The following METTL15 variants were observed in gnomAD, a reference collection of about 807,000 sequenced individuals.
METTL15 encodes 12S rRNA N(4)-cytidine methyltransferase METTL15.
METTL15 carries 34 observed loss-of-function variants against 38.3 expected under a neutral mutation model. That is an observed-to-expected ratio of 0.89 (90% CI 0.68 to 1.18). The LOEUF (loss-of-function observed/expected upper bound fraction) is 1.18, where lower values mean the gene tolerates loss of function less well. Ranked by LOEUF, METTL15 falls within the 50% of genes most tolerant of loss-of-function variation. The pLI, the probability that METTL15 is intolerant of heterozygous loss-of-function variation, is 0.00. For missense variants in METTL15, 438 were observed against 498.4 expected (o/e 0.88, Z 1.15); for synonymous variants, 162 against 170.9 (o/e 0.95, Z 0.41).
intron 6 of METTL15, among the ~76,000 whole-genome samples, chr11:28,467,519 G>A (rs1851266929): frequency 6.6e-6 from 1 of 152,068 alleles, no homozygotes; most frequent in African/African-American, 2.4e-5. Context: ...ATTCCATTAG[G>A]TATTTGCCCC....
chr11:28,452,917 G>A (rs895827367), intron 6 of METTL15, among the ~76,000 whole-genome samples: 2 of 152,150 alleles, frequency 1.3e-5, no homozygotes, highest in Non-Finnish European at 2.9e-5. Context: ...AAACACAAAT[G>A]TTATACTTGT....
chr11:28,128,638 A>G (rs1168095076), intron 3 of METTL15, among the ~76,000 whole-genome samples: 1 of 152,088 alleles, frequency 6.6e-6, no homozygotes, highest in Admixed American at 6.6e-5. Context: ...GTTTTGCGTA[A>G]AAGTTGAAAA....
chr11:28,271,696 A>G (rs933798568), intron 4 of METTL15, among the ~76,000 whole-genome samples: 2 of 152,036 alleles, frequency 1.3e-5, no homozygotes, highest in African/African-American at 2.4e-5. Flanking sequence ...AAGAATTACT[A>G]TACTAAAAGC....
chr11:28,386,125 C>T (rs199791448), intron 5 of METTL15, among the ~76,000 whole-genome samples: 31 of 151,654 alleles, frequency 2.0e-4, no homozygotes, highest in South Asian at 1.0e-3. Context: ...ACACAGAAAA[C>T]GAGAAAGAAA....
chr11:28,154,618 A>T (rs1196283885), intron 3 of METTL15, among the ~76,000 whole-genome samples: 1 of 152,136 alleles, frequency 6.6e-6, no homozygotes, highest in Non-Finnish European at 1.5e-5. Context: ...GTGACTTGGT[A>T]CTGTGTCACT....
At chr11:28,261,972 G>T (rs1855222588) in intron 4 of METTL15, among the ~76,000 whole-genome samples, 1 of 152,126 alleles carries the variant, frequency 6.6e-6, no homozygotes, top group Non-Finnish European at 1.5e-5. Flanking sequence ...AGCTTATTCA[G>T]ATCACAGAGA....
chr11:28,158,294 C>T (rs1235631986), intron 3 of METTL15, among the ~76,000 whole-genome samples: 2 of 152,144 alleles, frequency 1.3e-5, no homozygotes, highest in Non-Finnish European at 2.9e-5. Context: ...TCTGTGGACA[C>T]CTTCAGCCTC....
At chr11:28,321,736 T>C (rs1188796107) in intron 6 of METTL15, among the ~76,000 whole-genome samples, 3 of 152,000 alleles carry the variant, frequency 2.0e-5, no homozygotes, top group African/African-American at 7.2e-5. Flanking sequence ...AAAAGAAAGA[T>C]GATTGTGGGC....
intron 3 of METTL15, chr11:28,122,043 T>C: frequency 1.6e-6 from 1 of 625,456 alleles, no homozygotes. Context: ...TTGTATATGA[T>C]ATTTTTAGTT....
chr11:28,420,580 C>A (rs894801027), intron 5 of METTL15, among the ~76,000 whole-genome samples: 3 of 152,022 alleles, frequency 2.0e-5, no homozygotes, highest in Non-Finnish European at 4.4e-5. Flanking sequence ...GGAAACTGTA[C>A]AAATACATGG....
At chr11:28,394,710 A>G (rs1462463846) in intron 5 of METTL15, among the ~76,000 whole-genome samples, 1 of 152,092 alleles carries the variant, frequency 6.6e-6, no homozygotes, top group Non-Finnish European at 1.5e-5. Flanking sequence ...CTTTTTAAAG[A>G]CATTATTGCT....
At chr11:28,302,752 A>T (rs188874554) in intron 6 of METTL15, among the ~76,000 whole-genome samples, 2 of 152,196 alleles carry the variant, frequency 1.3e-5, no homozygotes, top group Non-Finnish European at 2.9e-5. Context: ...TATGCAGGTA[A>T]GTTAGGAAAA....
At chr11:28,500,400 T>C (rs1050949861) in intron 6 of METTL15, among the ~76,000 whole-genome samples, 11 of 152,222 alleles carry the variant, frequency 7.2e-5, no homozygotes, top group African/African-American at 2.4e-4. Flanking sequence ...AGGTGAACCT[T>C]GATTAAGAAC....
intron 3 of METTL15, among the ~76,000 whole-genome samples, chr11:28,151,343 AC>A (rs1162221690): frequency 6.6e-6 from 1 of 151,794 alleles, no homozygotes; most frequent in Non-Finnish European, 1.5e-5. Context: ...TTGGCCACTT[AC>A]TTTCAATATA....
At chr11:28,382,996 A>G (rs1850405020) in intron 5 of METTL15, among the ~76,000 whole-genome samples, 1 of 150,882 alleles carries the variant, frequency 6.6e-6, no homozygotes, top group African/African-American at 2.4e-5. Flanking sequence ...GTTCAGGGGT[A>G]CATGTGCAAG....
At chr11:28,456,433 G>T (rs572678828) in intron 6 of METTL15, among the ~76,000 whole-genome samples, 7 of 151,734 alleles carry the variant, frequency 4.6e-5, no homozygotes, top group African/African-American at 1.4e-4. Flanking sequence ...TTTTTTTTTT[G>T]TTTGTTTGTT....
intron 6 of METTL15, among the ~76,000 whole-genome samples, chr11:28,457,968 G>A (rs138874730): frequency 6.6e-6 from 1 of 152,162 alleles, no homozygotes; most frequent in South Asian, 2.1e-4. Flanking sequence ...TGGGAATATA[G>A]GAATGTTGTA....
At chr11:28,483,362 C>G (rs961857194) in intron 6 of METTL15, among the ~76,000 whole-genome samples, 2 of 152,162 alleles carry the variant, frequency 1.3e-5, no homozygotes, top group Non-Finnish European at 2.9e-5. Flanking sequence ...TTCATCAAAC[C>G]TCAGAGACTT....
chr11:28,393,209 G>C (rs1850529965), intron 5 of METTL15, among the ~76,000 whole-genome samples: 1 of 152,096 alleles, frequency 6.6e-6, no homozygotes, highest in East Asian at 1.9e-4. Context: ...GTATTTTAAA[G>C]AGGTATTTAC....
Sources: gnomAD v4.1 joint callset for allele counts (sites outside exome capture counted in the v4.1 genomes callset) on GRCh38, gnomAD v4.1.1 for gene constraint, MANE v1.5 for transcripts, NCBI Gene and HGNC (gene_info 2026-07-23, HGNC 2026-07-21) for gene names.